UNC13C: variants seen among roughly 807,000 people sequenced by gnomAD.
The protein encoded by UNC13C is unc-13 homolog C.
Under a neutral mutation model 245.4 loss-of-function variants are expected in UNC13C, and 174 were observed. That is an observed-to-expected ratio of 0.71 (90% confidence interval 0.63 to 0.80). The LOEUF (loss-of-function observed/expected upper bound fraction) is 0.80, where lower values mean the gene tolerates loss of function less well. Ranked by LOEUF, UNC13C falls within the 30% of genes least tolerant of loss-of-function variation. The pLI, the probability that UNC13C is intolerant of heterozygous loss-of-function variation, is 0.00. For synonymous variants in UNC13C, 992 were observed against 895.1 expected (o/e 1.11, Z -1.93); for missense variants, 2,829 against 2,602.9 (o/e 1.09, Z -1.89).
intron 2 of UNC13C, among the ~76,000 whole-genome samples, chr15:54,137,002 A>G (rs1447960566): frequency 3.3e-5 from 5 of 151,962 alleles, no homozygotes; most frequent in African/African-American, 1.2e-4. Context: ...ATGCTTGGCT[A>G]ATTTTTGTAT....
chr15:54,210,529 A>G (rs1338760570), intron 4 of UNC13C, among the ~76,000 whole-genome samples: 2 of 152,124 alleles, frequency 1.3e-5, no homozygotes, highest in South Asian at 2.1e-4. Context: ...TATTTTGGTT[A>G]TATGAAATTC....
intron 1 of UNC13C, among the ~76,000 whole-genome samples, chr15:53,980,836 G>T (rs759053316): frequency 3.3e-5 from 5 of 152,184 alleles, no homozygotes; most frequent in East Asian, 1.9e-4. Context: ...AAAGTAAACT[G>T]TTTTCCTTTC....
At chr15:54,190,182 C>T (rs529518218) in intron 4 of UNC13C, among the ~76,000 whole-genome samples, 131 of 152,224 alleles carry the variant, frequency 8.6e-4, no homozygotes, top group South Asian at 6.0e-3. Context: ...GATAAGGAAA[C>T]TGAGCTAAGC....
At chr15:54,331,407 C>T (rs910233398) in intron 14 of UNC13C, among the ~76,000 whole-genome samples, 25 of 152,072 alleles carry the variant, frequency 1.6e-4, no homozygotes, top group Non-Finnish European at 1.5e-5. Context: ...GACAGTTCAA[C>T]ACTGATACTG....
chr15:53,841,055 G>T, the UNC13C span, among the ~76,000 whole-genome samples: 2 of 152,222 alleles, frequency 1.3e-5, no homozygotes, highest in Non-Finnish European at 1.5e-5. Context: ...TGCGTGGATG[G>T]TCTCACAAAC....
chr15:54,445,014 G>T (rs908176395), intron 19 of UNC13C, among the ~76,000 whole-genome samples: 4 of 129,214 alleles, frequency 3.1e-5, no homozygotes, highest in African/African-American at 1.2e-4. Context: ...CCCTTCCTGT[G>T]TCCAAGTGTT....
chr15:54,291,394 A>G (rs1011754415), intron 10 of UNC13C, among the ~76,000 whole-genome samples: 2 of 152,038 alleles, frequency 1.3e-5, no homozygotes, highest in African/African-American at 4.8e-5. Flanking sequence ...TTATGAATAT[A>G]TTTCTAAGAA....
chr15:54,490,021 G>A (rs906805962), intron 19 of UNC13C, among the ~76,000 whole-genome samples: 4 of 152,102 alleles, frequency 2.6e-5, no homozygotes, highest in African/African-American at 9.7e-5. Flanking sequence ...GAGCTCCCCT[G>A]TTTCTGTCCA....
intron 17 of UNC13C, among the ~76,000 whole-genome samples, chr15:54,375,399 T>C (rs995819564): frequency 2.0e-5 from 3 of 152,220 alleles, no homozygotes; most frequent in African/African-American, 7.2e-5. Context: ...AATGCTATTG[T>C]TTAATGCTTT....
intron 2 of UNC13C, among the ~76,000 whole-genome samples, chr15:54,019,156 G>A (rs1895788166): frequency 6.6e-6 from 1 of 152,176 alleles, no homozygotes. Context: ...AGGTGAGGAA[G>A]CAGATGCTGA....
intron 4 of UNC13C, among the ~76,000 whole-genome samples, chr15:54,166,459 A>G (rs1567061839): frequency 6.8e-6 from 1 of 146,388 alleles, no homozygotes; most frequent in Admixed American, 7.0e-5. Flanking sequence ...TTATTTCTGA[A>G]CTATTCATTT....
intron 25 of UNC13C, among the ~76,000 whole-genome samples, chr15:54,526,268 AC>A (rs779826235): frequency 2.0e-5 from 3 of 152,236 alleles, no homozygotes; most frequent in Non-Finnish European, 4.4e-5. Flanking sequence ...GTTAAATTTC[AC>A]TTCAGTTCTG....
At chr15:54,105,631 A>C (rs985603367) in intron 2 of UNC13C, among the ~76,000 whole-genome samples, 18 of 138,926 alleles carry the variant, frequency 1.3e-4, no homozygotes, top group Admixed American at 4.0e-4. Context: ...TATTAACTAC[A>C]CATGAAAAAA....
chr15:54,493,306 G>A (rs895786408), intron 19 of UNC13C, among the ~76,000 whole-genome samples: 1 of 152,064 alleles, frequency 6.6e-6, no homozygotes, highest in African/African-American at 2.4e-5. Context: ...TGGGAGTTTG[G>A]CCTAGAAGTA....
intron 2 of UNC13C, among the ~76,000 whole-genome samples, chr15:54,124,186 T>C (rs1217742319): frequency 6.6e-6 from 1 of 152,208 alleles, no homozygotes; most frequent in African/African-American, 2.4e-5. Flanking sequence ...TGTAGACATA[T>C]TTTCATTTCG....
chr15:54,083,645 G>A (rs1039945071), intron 2 of UNC13C, among the ~76,000 whole-genome samples: 3 of 152,088 alleles, frequency 2.0e-5, no homozygotes, highest in African/African-American at 7.2e-5. Context: ...TTGGTGATGC[G>A]CCTTCATTTC....
chr15:54,333,223 G>A (rs2038486241), intron 15 of UNC13C, among the ~76,000 whole-genome samples: 1 of 151,756 alleles, frequency 6.6e-6, no homozygotes, highest in African/African-American at 2.4e-5. Context: ...ATAAACATCT[G>A]TATTTTTAAA....
At chr15:54,073,565 A>G (rs1898437404) in intron 2 of UNC13C, among the ~76,000 whole-genome samples, 1 of 152,166 alleles carries the variant, frequency 6.6e-6, no homozygotes, top group African/African-American at 2.4e-5. Context: ...CTTTTGAATA[A>G]TCGCCATTCT....
chr15:54,413,783 G>A (rs2040461373), intron 18 of UNC13C, among the ~76,000 whole-genome samples: 1 of 152,064 alleles, frequency 6.6e-6, no homozygotes, highest in Admixed American at 6.5e-5. Context: ...ATTTCCTTAG[G>A]TAACACTTTC....
Sources: allele counts gnomAD v4.1 joint callset (sites outside exome capture counted in the v4.1 genomes callset), GRCh38; gene constraint gnomAD v4.1.1; transcripts MANE v1.5; gene names NCBI Gene and HGNC (gene_info 2026-07-23, HGNC 2026-07-21).